AGBL4: variants seen among roughly 807,000 people sequenced by gnomAD.
AGBL4 encodes the protein cytosolic carboxypeptidase 6.
In AGBL4, 58 loss-of-function variants were observed where a neutral mutation model predicts 66.4. That is an observed-to-expected ratio of 0.87 (90% CI 0.71 to 1.09). The LOEUF is 1.09. AGBL4 is among the 50% of genes least tolerant of loss of function. The pLI, the probability that AGBL4 is intolerant of heterozygous loss-of-function variation, is 0.00. For missense variants in AGBL4, 579 were observed against 631.0 expected, an observed-to-expected ratio of 0.92 and a Z score of 0.88; for synonymous variants, 234 against 222.9, an observed-to-expected ratio of 1.05 and a Z score of -0.44.
intron 6 of AGBL4, among the ~76,000 whole-genome samples, chr1:48,748,427 G>C (rs116471127): frequency 0.014 from 2,143 of 152,318 alleles, 56 homozygotes; most frequent in African/African-American, 0.05. Context: ...TCACTGTCCA[G>C]CAGTGGAAAG....
chr1:49,759,865 C>A (rs1165703048), intron 2 of AGBL4, among the ~76,000 whole-genome samples: 3 of 152,126 alleles, frequency 2.0e-5, no homozygotes, highest in Non-Finnish European at 4.4e-5. Flanking sequence ...GTATAAAATT[C>A]TCATATTGTA....
chr1:48,543,307 G>C (rs1644104072), intron 11 of AGBL4, among the ~76,000 whole-genome samples: 1 of 152,138 alleles, frequency 6.6e-6, no homozygotes, highest in Non-Finnish European at 1.5e-5. Context: ...TCTCAGCTGG[G>C]CTATAAAGGC....
At chr1:48,661,044 A>C (rs1646098847) in intron 7 of AGBL4, among the ~76,000 whole-genome samples, 2 of 152,302 alleles carry the variant, frequency 1.3e-5, no homozygotes, top group Non-Finnish European at 2.9e-5. Flanking sequence ...ATGAACAAGA[A>C]ACCCCATTTG....
chr1:48,841,411 C>G (rs377342330), intron 6 of AGBL4, among the ~76,000 whole-genome samples: 9 of 84,460 alleles, frequency 1.1e-4, no homozygotes, highest in South Asian at 4.4e-4. Flanking sequence ...CCCCCCCCCC[C>G]CAAAAAAAAA....
intron 5 of AGBL4, among the ~76,000 whole-genome samples, chr1:48,905,492 G>A (rs1482897928): frequency 6.6e-6 from 1 of 152,130 alleles, no homozygotes; most frequent in Non-Finnish European, 1.5e-5. Flanking sequence ...GATAATCCAT[G>A]TTTCTCATAT....
At chr1:49,010,144 C>A (rs1662272600) in intron 5 of AGBL4, among the ~76,000 whole-genome samples, 1 of 152,038 alleles carries the variant, frequency 6.6e-6, no homozygotes, top group African/African-American at 2.4e-5. Flanking sequence ...TGACTCAGCC[C>A]AAAATCTCCT....
At chr1:48,675,595 G>C (rs1327474983) in intron 6 of AGBL4, among the ~76,000 whole-genome samples, 1 of 152,176 alleles carries the variant, frequency 6.6e-6, no homozygotes, top group Non-Finnish European at 1.5e-5. Flanking sequence ...GGATTAACAA[G>C]CAATCAGCTA....
rs188021630 is a variant in AGBL4, at chr1:49,189,468, G to A, written c.377+56302C>T. 1.6e-3 allele frequency among the ~76,000 whole-genome samples: 247 copies of A among 152,218 alleles called. 2 individuals carry two copies. The highest frequency in any genetic ancestry group is 6.8e-3 in the Middle Eastern group (2 of 294). On this transcript the variant is annotated intron_variant, in intron 4 of 13. Coordinates refer to ENST00000371839, the MANE Select transcript of AGBL4 (RefSeq NM_032785.4). ...ATTTGATAGAGTTTGTTGAGTAGTG[G>A]TTTACATAGCACATTCACCACCTTT...
At chr1:49,206,303 G>C (rs1033891561) in intron 4 of AGBL4, among the ~76,000 whole-genome samples, 1 of 151,736 alleles carries the variant, frequency 6.6e-6, no homozygotes, top group African/African-American at 2.4e-5. Flanking sequence ...AACTGGTTCT[G>C]AAATTAAAAC....
At chr1:48,574,066 C>T (rs1031421173) in intron 11 of AGBL4, among the ~76,000 whole-genome samples, 4 of 152,312 alleles carry the variant, frequency 2.6e-5, no homozygotes, top group South Asian at 2.1e-4. Flanking sequence ...CTATTATTAA[C>T]GATGGCATCT....
chr1:49,449,664 C>T (rs989358358), intron 3 of AGBL4, among the ~76,000 whole-genome samples: 4 of 151,838 alleles, frequency 2.6e-5, no homozygotes, highest in Admixed American at 6.6e-5. Flanking sequence ...TGCCACGAGC[C>T]CATAGACACA....
At chr1:49,335,794 C>T (rs779600966) in intron 3 of AGBL4, among the ~76,000 whole-genome samples, 16 of 152,070 alleles carry the variant, frequency 1.1e-4, no homozygotes, top group African/African-American at 2.9e-4. Flanking sequence ...GGATTATAGG[C>T]GTGAGCCACC....
chr1:49,178,111 T>C (rs1254395579), intron 4 of AGBL4, among the ~76,000 whole-genome samples: 5 of 152,122 alleles, frequency 3.3e-5, no homozygotes. Flanking sequence ...GAGCAAAGGC[T>C]TTGGAGCTAG....
intron 6 of AGBL4, among the ~76,000 whole-genome samples, chr1:48,678,110 G>C (rs1168083269): frequency 6.6e-6 from 1 of 152,036 alleles, no homozygotes. Context: ...CAGCCTGTCT[G>C]TCAGGGACAG....
intron 5 of AGBL4, among the ~76,000 whole-genome samples, chr1:48,970,034 AT>A (rs1367568084): frequency 2.0e-5 from 3 of 152,202 alleles, no homozygotes; most frequent in African/African-American, 7.2e-5. Context: ...GGAAGGTTAA[AT>A]TACTTGCCTA....
At chr1:49,344,625 G>A (rs981375197) in intron 3 of AGBL4, among the ~76,000 whole-genome samples, 2 of 152,120 alleles carry the variant, frequency 1.3e-5, no homozygotes, top group African/African-American at 4.8e-5. Flanking sequence ...TTTCCTTGGA[G>A]TAGTGATCTG....
intron 5 of AGBL4, among the ~76,000 whole-genome samples, chr1:48,927,339 T>C (rs903976110): frequency 6.6e-6 from 1 of 152,044 alleles, no homozygotes; most frequent in Non-Finnish European, 1.5e-5. Flanking sequence ...ATGTGCAGGG[T>C]AACTCCGCTT....
intron 5 of AGBL4, 51 bp from the exon 6 acceptor site, chr1:48,867,281 T>C (rs1570875173): frequency 6.3e-7 from 1 of 1,598,836 alleles, no homozygotes; most frequent in Non-Finnish European, 8.6e-7. Context: ...AGAGCCAAAA[T>C]TGTGCTTAGC....
intron 3 of AGBL4, among the ~76,000 whole-genome samples, chr1:49,250,440 A>ATTTT (rs1242148895): frequency 2.1e-4 from 26 of 122,706 alleles, no homozygotes; most frequent in African/African-American, 2.8e-4. Flanking sequence ...ACAGGAACTA[A>ATTTT]TTTTTTTTTT....
Sources: allele counts gnomAD v4.1 joint callset (sites outside exome capture counted in the v4.1 genomes callset), GRCh38; gene constraint gnomAD v4.1.1; transcripts MANE v1.5; gene names NCBI Gene and HGNC (gene_info 2026-07-23, HGNC 2026-07-21).